Variants in GOLGB1 observed in about 807,000 individuals in gnomAD.
GOLGB1 encodes the protein golgin subfamily B member 1.
A neutral mutation model predicts 336.9 loss-of-function variants in GOLGB1; 174 were observed. The observed-to-expected ratio is 0.52, with a 90% CI of 0.46 to 0.59. The LOEUF is 0.59. Ranked by LOEUF, GOLGB1 falls within the 20% of genes least tolerant of loss-of-function variation. The pLI, the probability that GOLGB1 is intolerant of heterozygous loss-of-function variation, is 0.00. For missense variants in GOLGB1, 3,331 were observed against 3,645.3 expected (o/e 0.91, Z 2.22); for synonymous variants, 1,208 against 1,289.2 (o/e 0.94, Z 1.35).
intron 10 of GOLGB1, among the ~76,000 whole-genome samples, chr3:121,708,352 C>A (rs898165883): frequency 8.5e-5 from 13 of 152,076 alleles, no homozygotes; most frequent in African/African-American, 1.7e-4. Context: ...TCAAATTGTT[C>A]TGGGTGCTAT....
At chr3:121,711,745 A>C (rs1944375894) in intron 10 of GOLGB1, among the ~76,000 whole-genome samples, 1 of 152,218 alleles carries the variant, frequency 6.6e-6, no homozygotes, top group Non-Finnish European at 1.5e-5. Context: ...CAAAAATATT[A>C]ACTACTTCAG....
Position 121,698,159 on chromosome 3 carries a change from A to G in GOLGB1, c.2364T>C (p.Asp788=), listed in dbSNP as rs1943109211. ...LAEAERQRRL[D]YESQTAHDNL... is the part of the protein sequence containing the mutation. The stretch of plus-strand genomic sequence containing the variant: ...TGTCATGGGCAGTTTGGCTTTCATA[A>G]TCAAGTCTTCTTTGCCTTTCTGCTT... Residue 788 remains aspartate, a synonymous_variant, in exon 13 of 22, where the codon GAT becomes GAC. Coordinates refer to ENST00000614479, the MANE Select transcript of GOLGB1 (RefSeq NM_001366282.2). 21 of 1,613,760 alleles carry G rather than the reference A, an allele frequency of 1.3e-5. No homozygotes were observed. The highest frequency in any genetic ancestry group is 1.8e-5 in the Non-Finnish European group (21 of 1,179,942).
At chr3:121,708,782 C>T (rs531714644) in intron 10 of GOLGB1, among the ~76,000 whole-genome samples, 1 of 151,990 alleles carries the variant, frequency 6.6e-6, no homozygotes, top group Non-Finnish European at 1.5e-5. Context: ...ATTCAAGAAA[C>T]TTCTAATTAT....
chr3:121,727,301 TATATATATATATATA>T (rs1560307402), intron 4 of GOLGB1, among the ~76,000 whole-genome samples: 507 of 35,470 alleles, frequency 0.014, 1 homozygote, highest in Non-Finnish European at 0.028. Flanking sequence ...CACATATATA[TATATATATATATATA>T]TATATTTTTT....
At chr3:121,682,954 T>C (rs1010265853) in intron 14 of GOLGB1, among the ~76,000 whole-genome samples, 2 of 150,560 alleles carry the variant, frequency 1.3e-5, no homozygotes, top group Non-Finnish European at 3.0e-5. Context: ...ATTAACAGCA[T>C]CAGGCACCTC....
chr3:121,742,260 A>G (rs1560340189), intron 1 of GOLGB1, among the ~76,000 whole-genome samples: 1 of 152,246 alleles, frequency 6.6e-6, no homozygotes, highest in East Asian at 1.9e-4. Context: ...TACTGGTACC[A>G]AAACACATAC....
At chr3:121,683,997 G>T (rs1232146026) in intron 14 of GOLGB1, among the ~76,000 whole-genome samples, 2 of 151,428 alleles carry the variant, frequency 1.3e-5, no homozygotes, top group African/African-American at 4.9e-5. Context: ...GCGTGGTGGC[G>T]GGAGCCTATA....
chr3:121,685,416 T>A (rs1360990486), intron 14 of GOLGB1, among the ~76,000 whole-genome samples: 1 of 151,988 alleles, frequency 6.6e-6, no homozygotes, highest in African/African-American at 2.4e-5. Flanking sequence ...GCACCTGTAG[T>A]CCCAGCTACT....
At chr3:121,730,435 C>T (rs1946005022) in intron 2 of GOLGB1, among the ~76,000 whole-genome samples, 1 of 151,908 alleles carries the variant, frequency 6.6e-6, no homozygotes, top group South Asian at 2.1e-4. Context: ...ATACATACTG[C>T]CAATTTGTAT....
At position 121,748,800 on chromosome 3, in the gene GOLGB1, T is replaced by A; in HGVS notation, c.-3+832A>T. 8.1e-6 allele frequency: 8 copies of A among 983,454 alleles called. No homozygotes were observed. The South Asian group carries it at 3.3e-4, about 41-fold the overall frequency. 60.9% of individuals were successfully genotyped at this position (983,454 alleles called of 1,614,324 possible). The stretch of plus-strand genomic sequence containing the variant: ...AAGTACTTACCCATGATTGTAAATA[T>A]CCCTGTCCCACTCTCAAACTGTCCG... On this transcript the variant is annotated intron_variant, in intron 1 of 21. Transcript: ENST00000614479.
rs752295130 is a variant in GOLGB1 at position 121,717,098 on chromosome 3, A to T, written c.927T>A (p.Asn309Lys). The change falls in exon 9 of 22, where the codon AAT becomes AAA. Residue 309 changes from asparagine to lysine, a missense_variant. Coordinates refer to ENST00000614479, the MANE Select transcript of GOLGB1 (RefSeq NM_001366282.2). ...QQLQQMEAEHNTLRNTVETER... is the reference protein window; with the variant it reads ...QQLQQMEAEHKTLRNTVETER... The stretch of plus-strand genomic sequence containing the variant: ...CTGTTTCCACAGTGTTCCTCAAAGT[A>T]TTATGCTCAGCTTCCATCTGCTGTA... 3.7e-6 allele frequency: 6 copies of T among 1,613,008 alleles called. No homozygotes were observed. In the South Asian group the frequency reaches 6.6e-5, roughly 18 times the overall value.
At chr3:121,692,699 G>T in intron 13 of GOLGB1, 118 bp from the exon 14 acceptor site, 2 of 598,594 alleles carry the variant, frequency 3.3e-6, no homozygotes, top group South Asian at 2.4e-5. Context: ...TTCATAACAG[G>T]TGTTAAATAT....
intron 14 of GOLGB1, among the ~76,000 whole-genome samples, chr3:121,683,047 CTTTTAATTTTTTTTT>C (rs1941265519): frequency 1.6e-4 from 13 of 79,248 alleles, no homozygotes; most frequent in Admixed American, 1.2e-3. Context: ...GAAGCAATTT[CTTTTAATTTTTTTTT>C]TTTTTTTTTT....
chr3:121,724,956 G>A (rs747380108), intron 5 of GOLGB1, among the ~76,000 whole-genome samples: 12 of 152,186 alleles, frequency 7.9e-5, no homozygotes, highest in African/African-American at 4.8e-5. Flanking sequence ...GTAAAACTTG[G>A]TAACATCCAC....
At chr3:121,684,052 C>T (rs1941420775) in intron 14 of GOLGB1, among the ~76,000 whole-genome samples, 1 of 139,414 alleles carries the variant, frequency 7.2e-6, no homozygotes, top group Non-Finnish European at 1.5e-5. Flanking sequence ...CGCTTGAATT[C>T]AGGAGGCGGA....
At position 121,695,332 on chromosome 3, in the gene GOLGB1, C is replaced by T; in HGVS notation, c.5191G>A (p.Glu1731Lys). 6.2e-7 allele frequency: 1 copy of T among 1,614,020 alleles called. No individual in the cohort carries two copies. The highest frequency in any genetic ancestry group is 8.5e-7 in the Non-Finnish European group (1 of 1,179,972). The change falls in exon 13 of 22, where the codon GAA (glutamate) becomes AAA (lysine). Residue 1731 changes from glutamate to lysine, a missense_variant. Glu to Lys is a moderately conservative substitution (Grantham distance 56, BLOSUM62 1). Transcript: ENST00000614479. ...TCCATTTTGACCCTTTCAAGTTCTT[C>T]CTTCATGCTGGCATTGGAAGAAAGA... ...TLLSSNASMK[E>K]ELERVKMEYE...
Position 121,692,054 on chromosome 3 carries a change from T to C in GOLGB1, c.7310A>G (p.Lys2437Arg), listed in dbSNP as rs1403254781. The C allele has an allele frequency of 2.5e-6, 4 of 1,612,800 alleles. No homozygotes were observed. Among genetic ancestry groups the C allele is most frequent in the African/African-American group, 1.3e-5 (1 of 74,890 alleles). ...EENIVLEEEN[K>R]KAVDKTNQLM... ...CTGATTGGTTTTATCAACAGCCTTT[T>C]TGTTCTCCTCTTCTAAAACAATATT... Residue 2437 changes from lysine to arginine, a missense_variant, in exon 14 of 22, where the codon AAA becomes AGA. By Grantham distance (26) the Lys-to-Arg change is conservative. Coordinates refer to ENST00000614479, the MANE Select transcript of GOLGB1 (RefSeq NM_001366282.2).
chr3:121,666,898 CA>C (rs1223237577), intron 20 of GOLGB1, among the ~76,000 whole-genome samples: 1 of 152,114 alleles, frequency 6.6e-6, no homozygotes, highest in Non-Finnish European at 1.5e-5. Flanking sequence ...ACACTTGGAG[CA>C]AACTGCTCAT....
In GOLGB1 at chr3:121,698,916, T is replaced by C; in HGVS notation, c.1607A>G (p.Asp536Gly). 1.3e-6 allele frequency: 2 copies of C among 1,557,268 alleles called. No individual in the cohort carries two copies. The highest frequency in any genetic ancestry group is 1.7e-6 in the Non-Finnish European group (2 of 1,155,036). The change falls in exon 13 of 22, where the codon GAT (aspartate) becomes GGT (glycine). Residue 536 changes from aspartate (D) to glycine (G), a missense_variant. Asp to Gly is a moderately conservative substitution (Grantham distance 94). Coordinates refer to ENST00000614479, the MANE Select transcript of GOLGB1 (RefSeq NM_001366282.2). ...AGAAGAGCTCCTCTTGTTGGCAATA[T>C]CAACAATGCTGATCTATTTTTAAAA... ...DREVSEISIV[D>G]IANKRSSSAE...
Sources: allele counts gnomAD v4.1 joint callset (sites outside exome capture counted in the v4.1 genomes callset), GRCh38; gene constraint gnomAD v4.1.1; transcripts MANE v1.5; gene names NCBI Gene and HGNC (gene_info 2026-07-23, HGNC 2026-07-21).